Variants in PTPRG observed in about 807,000 individuals in gnomAD.
The protein encoded by PTPRG is protein tyrosine phosphatase receptor type G.
PTPRG carries 102 observed loss-of-function variants against 165.3 expected under a neutral mutation model. The ratio of observed to expected loss-of-function variants is 0.62; its 90% CI spans 0.53 to 0.73. The LOEUF (loss-of-function observed/expected upper bound fraction) is 0.73, where lower values mean the gene tolerates loss of function less well. PTPRG is among the 30% of genes least tolerant of loss of function. PTPRG has a pLI of 0.00. For synonymous variants in PTPRG, 675 were observed against 669.5 expected, an observed-to-expected ratio of 1.01 and a Z score of -0.13; for missense variants, 1,866 against 1,861.4, an observed-to-expected ratio of 1.00 and a Z score of -0.05.
intron 2 of PTPRG, among the ~76,000 whole-genome samples, chr3:61,966,948 A>C (rs866432246): frequency 6.6e-6 from 1 of 152,226 alleles, no homozygotes; most frequent in African/African-American, 2.4e-5. Flanking sequence ...CATAAAACTT[A>C]AAGTTGGGCT....
chr3:61,816,456 C>G (rs2035765960), intron 2 of PTPRG, among the ~76,000 whole-genome samples: 1 of 152,094 alleles, frequency 6.6e-6, no homozygotes, highest in Non-Finnish European at 1.5e-5. Flanking sequence ...CACTTGAACC[C>G]TGGAGGCGGA....
chr3:62,234,717 C>G lies in PTPRG; in HGVS notation c.2375+3406C>G, dbSNP rs911631765. Among the ~76,000 whole-genome samples, 7 of 151,982 alleles carry G rather than the reference C, an allele frequency of 4.6e-5. No individual in the cohort carries two copies. The South Asian group carries it at 6.3e-4, about 14-fold the overall frequency. On this transcript the variant is annotated intron_variant, in intron 14 of 29. Transcript: ENST00000474889. ...GAGTTGCAAATATTTTTTCCCAATT[C>G]ATAGTTTACTTCTTAACTGTATTTA...
In PTPRG at chr3:62,252,578, G is replaced by T. The variant is rs1400608027; in HGVS notation, c.2468-2546G>T. 6.6e-6 allele frequency among the ~76,000 whole-genome samples: 1 copy of T among 152,100 alleles called. No individual in the cohort carries two copies. The highest frequency in any genetic ancestry group is 2.1e-4 in the South Asian group (1 of 4,826). ...TGAATGTCTTCTTAAAACACACAGG[G>T]CCTTTCCAGATAAAAATTGAGCTGA... On this transcript the variant is annotated intron_variant, in intron 15 of 29. Coordinates refer to ENST00000474889, the MANE Select transcript of PTPRG (RefSeq NM_002841.4). This position sits in a 1 kb window ranked among gnomAD's most constrained non-coding sequence, Gnocchi z 4.6.
At chr3:61,728,976 C>T (rs554933343) in intron 1 of PTPRG, among the ~76,000 whole-genome samples, 5 of 151,658 alleles carry the variant, frequency 3.3e-5, no homozygotes, top group African/African-American at 1.2e-4. Context: ...ATGGGAGGAT[C>T]GCTTGAGTTT....
At chr3:61,891,880 T>G (rs548774129) in intron 2 of PTPRG, among the ~76,000 whole-genome samples, 3 of 152,310 alleles carry the variant, frequency 2.0e-5, no homozygotes, top group Non-Finnish European at 2.9e-5. Flanking sequence ...GAAAAATGTT[T>G]GTGTGATTTC....
chr3:62,178,136 A>AGGATGGATGGATGGATGGATGGAT (rs66547961), intron 8 of PTPRG, among the ~76,000 whole-genome samples: 1 of 141,536 alleles, frequency 7.1e-6, no homozygotes, highest in Admixed American at 7.1e-5. Context: ...AATGGATGGG[A>AGGATGGATGGATGGATGGATGGAT]GGATGGATGG....
chr3:62,013,972 G>A (rs563774848), intron 4 of PTPRG, among the ~76,000 whole-genome samples: 2 of 152,244 alleles, frequency 1.3e-5, no homozygotes, highest in East Asian at 1.9e-4. Flanking sequence ...CAGATGTATT[G>A]TAAGTTCAGG....
At chr3:61,857,538 T>A (rs2037146650) in intron 2 of PTPRG, among the ~76,000 whole-genome samples, 1 of 152,206 alleles carries the variant, frequency 6.6e-6, no homozygotes. Flanking sequence ...TTGACAGTGA[T>A]GATTCTTGAG....
At chr3:62,261,348 C>T (rs776787667) in intron 16 of PTPRG, among the ~76,000 whole-genome samples, 10 of 152,178 alleles carry the variant, frequency 6.6e-5, no homozygotes, top group East Asian at 1.9e-4. Flanking sequence ...CAGGTCCCAA[C>T]GTGCTAAGTT....
chr3:62,266,771 C>CTT, intron 17 of PTPRG, among the ~76,000 whole-genome samples: 1 of 149,570 alleles, frequency 6.7e-6, no homozygotes, highest in Middle Eastern at 3.4e-3. Context: ...CCTCAGCTTC[C>CTT]TTTTACTTAT....
At chr3:61,830,767 A>T (rs673362) in intron 2 of PTPRG, among the ~76,000 whole-genome samples, 138,320 of 151,928 alleles carry the variant, frequency 0.91, 63,209 homozygotes, top group African/African-American at 0.98. Flanking sequence ...AGAGATGGGG[A>T]TTCTCCATGT....
At position 61,887,164 on chromosome 3, in the gene PTPRG, ATATATATT is replaced by A. The variant is rs1559670257; in HGVS notation, c.191-102459_191-102452del. Among the ~76,000 whole-genome samples, 12 of 128,230 alleles carry A rather than the reference ATATATATT, an allele frequency of 9.4e-5. No individual in the cohort carries two copies. In the South Asian group the frequency reaches 1.0e-3, roughly 11 times the overall value. The allele number at this position is 128,230 out of a possible 152,430, so 84.1% of individuals were successfully genotyped here. A position where few individuals can be genotyped will look rare whatever the true frequency, so the allele number is the denominator to read the frequency against. ...TATATATATATATATATATATATAT[ATATATATT>A]TTTAATGCCATCATCAAACACTCAT... On this transcript the variant is annotated intron_variant, in intron 2 of 29. Transcript: ENST00000474889.
chr3:62,056,766 T>C (rs1451170962), intron 4 of PTPRG, among the ~76,000 whole-genome samples: 1 of 152,184 alleles, frequency 6.6e-6, no homozygotes, highest in Non-Finnish European at 1.5e-5. Context: ...AAGAGAGGAA[T>C]GACATGTGGC....
At chr3:62,192,393 CTTTTTTTTTTTTTTTTTTTT>C (rs71123255) in intron 9 of PTPRG, among the ~76,000 whole-genome samples, 4 of 52,618 alleles carry the variant, frequency 7.6e-5, no homozygotes, top group South Asian at 2.0e-3. Context: ...CAACTACTGT[CTTTTTTTTTTTTTTTTTTTT>C]TTTTTTTTTT....
intron 1 of PTPRG, among the ~76,000 whole-genome samples, chr3:61,660,998 A>G (rs1367700870): frequency 1.3e-5 from 2 of 152,176 alleles, no homozygotes; most frequent in Non-Finnish European, 2.9e-5. Flanking sequence ...GTGAGACTCC[A>G]TCTCAAAAAA....
At chr3:61,625,023 G>C (rs552050169) in intron 1 of PTPRG, among the ~76,000 whole-genome samples, 2 of 151,890 alleles carry the variant, frequency 1.3e-5, no homozygotes, top group South Asian at 4.2e-4. Flanking sequence ...GCTGTCTTCT[G>C]CCTGTGTCAC....
intron 1 of PTPRG, among the ~76,000 whole-genome samples, chr3:61,744,992 C>T (rs2033140613): frequency 6.6e-6 from 1 of 151,562 alleles, no homozygotes; most frequent in Admixed American, 6.6e-5. Flanking sequence ...CCATCACTAC[C>T]CTCTAGAACA....
intron 6 of PTPRG, among the ~76,000 whole-genome samples, chr3:62,146,608 T>C (rs1704131694): frequency 1.3e-5 from 2 of 150,174 alleles, no homozygotes; most frequent in African/African-American, 5.0e-5. Flanking sequence ...CTATTCATGC[T>C]CATATGTATT....
At chr3:62,003,219 A>G (rs1006144361) in intron 3 of PTPRG, 130 bp from the exon 4 acceptor site, 1 of 1,090,288 alleles carries the variant, frequency 9.2e-7, no homozygotes, top group African/African-American at 1.6e-5. Flanking sequence ...TGTTCAACAT[A>G]TTTTTTCATA....
Sources: gnomAD v4.1 joint callset for allele counts (sites outside exome capture counted in the v4.1 genomes callset) on GRCh38, gnomAD v4.1.1 for gene constraint, Gnocchi (gnomAD v3.1) non-coding constraint, MANE v1.5 for transcripts, NCBI Gene and HGNC (gene_info 2026-07-23, HGNC 2026-07-21) for gene names.